The following ALKBH1 variants were observed in gnomAD, a reference collection of about 807,000 sequenced individuals.
ALKBH1 encodes the protein nucleic acid dioxygenase ALKBH1.
Under a neutral mutation model 36.6 loss-of-function variants are expected in ALKBH1, and 31 were observed. The ratio of observed to expected loss-of-function variants is 0.85; its 90% CI spans 0.64 to 1.14. ALKBH1 has a LOEUF of 1.14. ALKBH1 is among the 50% of genes most tolerant of loss of function. ALKBH1 has a pLI of 0.00. For missense variants in ALKBH1, 490 were observed against 497.3 expected (o/e 0.99, Z 0.14); for synonymous variants, 183 against 186.6 (o/e 0.98, Z 0.16).
At chr14:77,680,836 C>T (rs564009862) in intron 3 of ALKBH1, among the ~76,000 whole-genome samples, 14 of 152,178 alleles carry the variant, frequency 9.2e-5, no homozygotes, top group South Asian at 6.2e-4. Context: ...TGCACCACTA[C>T]GCCCAGCTAA....
chr14:77,697,770 T>G (rs975036219), intron 2 of ALKBH1, among the ~76,000 whole-genome samples: 26 of 150,572 alleles, frequency 1.7e-4, no homozygotes, highest in Admixed American at 1.4e-3. Flanking sequence ...TCCTAGCACT[T>G]GAAAGGCCAA....
chr14:77,674,913 C>T (rs992763944), intron 5 of ALKBH1, among the ~76,000 whole-genome samples: 4 of 152,068 alleles, frequency 2.6e-5, no homozygotes, highest in African/African-American at 9.7e-5. Context: ...GTTTACCTTT[C>T]CTCATTTTAA....
At chr14:77,695,963 G>A (rs918876858) in intron 2 of ALKBH1, among the ~76,000 whole-genome samples, 2 of 151,956 alleles carry the variant, frequency 1.3e-5, no homozygotes, top group African/African-American at 2.4e-5. Context: ...GTGGTGGCAC[G>A]CACCTGTAAT....
intron 3 of ALKBH1, among the ~76,000 whole-genome samples, chr14:77,690,237 GA>G (rs2080289936): frequency 6.6e-6 from 1 of 152,178 alleles, no homozygotes; most frequent in Admixed American, 6.5e-5. Flanking sequence ...CAATGTGGCA[GA>G]AAAGAACAAA....
chr14:77,707,981 C>G lies in ALKBH1; in HGVS notation c.24G>C (p.Val8=). The change falls in exon 1 of 6, where the codon GTG becomes GTC. Residue 8 remains valine (V), a synonymous_variant. Transcript: ENST00000216489. MGKMAAA[V]GSVATLATEP... Reference sequence around the variant, plus strand: ...CAGTCGCCAGAGTCGCCACAGAGCCCACGGCCGCTGCCATCTTCCCCATCT... The same window carrying G: ...CAGTCGCCAGAGTCGCCACAGAGCCGACGGCCGCTGCCATCTTCCCCATCT... 3 of 1,611,396 alleles carry G rather than the reference C, an allele frequency of 1.9e-6. No individual in the cohort carries two copies. The highest frequency in any genetic ancestry group is 2.5e-6 in the Non-Finnish European group (3 of 1,178,572).
intron 3 of ALKBH1, among the ~76,000 whole-genome samples, chr14:77,689,274 G>C (rs2080285237): frequency 6.6e-6 from 1 of 152,122 alleles, no homozygotes; most frequent in South Asian, 2.1e-4. Context: ...AAAGCACCTT[G>C]CAACTTCTAT....
intron 3 of ALKBH1, among the ~76,000 whole-genome samples, chr14:77,691,339 C>A (rs890942627): frequency 2.0e-5 from 3 of 152,030 alleles, no homozygotes; most frequent in African/African-American, 4.8e-5. Flanking sequence ...TCTTAGAGGT[C>A]CTTTACTTCA....
intron 4 of ALKBH1, among the ~76,000 whole-genome samples, chr14:77,679,174 G>A (rs1223972125): frequency 6.6e-6 from 1 of 151,932 alleles, no homozygotes; most frequent in African/African-American, 2.4e-5. Flanking sequence ...TGAAATACAT[G>A]GAGCTTCTTT....
At chr14:77,689,996 A>C (rs1169028390) in intron 3 of ALKBH1, among the ~76,000 whole-genome samples, 1 of 152,212 alleles carries the variant, frequency 6.6e-6, no homozygotes, top group Non-Finnish European at 1.5e-5. Flanking sequence ...CTCTAAAAAA[A>C]AGTGGCAATA....
intron 3 of ALKBH1, among the ~76,000 whole-genome samples, chr14:77,692,282 ATC>A (rs2139856549): frequency 6.6e-6 from 1 of 152,294 alleles, no homozygotes; most frequent in South Asian, 2.1e-4. Flanking sequence ...TGGAGCTGGG[ATC>A]TGAACACAGT....
chr14:77,674,332 T>C (rs2080193372), intron 5 of ALKBH1, 91 bp from the exon 6 acceptor site: 4 of 1,330,422 alleles, frequency 3.0e-6, no homozygotes, highest in East Asian at 5.0e-5. Flanking sequence ...AACTGTGTTA[T>C]TTTGTAATTT....
intron 3 of ALKBH1, among the ~76,000 whole-genome samples, chr14:77,681,513 CAG>C (rs1474769498): frequency 6.6e-6 from 1 of 152,332 alleles, no homozygotes; most frequent in African/African-American, 2.4e-5. Context: ...TCTGTCCTCA[CAG>C]AGTTTACATT....
chr14:77,674,959 T>C (rs2139841830), intron 5 of ALKBH1, among the ~76,000 whole-genome samples: 1 of 152,270 alleles, frequency 6.6e-6, no homozygotes, highest in South Asian at 2.1e-4. Context: ...TTTCCCGAGA[T>C]GCAGGTGCAA....
intron 2 of ALKBH1, among the ~76,000 whole-genome samples, chr14:77,701,576 G>C (rs2080359787): frequency 6.6e-6 from 1 of 151,932 alleles, no homozygotes; most frequent in Admixed American, 6.6e-5. Flanking sequence ...TTATCCTCTT[G>C]TTCAAGAGGA....
At chr14:77,701,680 A>C (rs952665795) in intron 2 of ALKBH1, among the ~76,000 whole-genome samples, 1 of 152,094 alleles carries the variant, frequency 6.6e-6, no homozygotes, top group African/African-American at 2.4e-5. Context: ...CTTTTGATCA[A>C]CTCAGAGTAA....
At chr14:77,682,556 T>C (rs998457538) in intron 3 of ALKBH1, among the ~76,000 whole-genome samples, 1 of 152,170 alleles carries the variant, frequency 6.6e-6, no homozygotes, top group Middle Eastern at 3.2e-3. Flanking sequence ...TTATGAATAT[T>C]GAAGCTATGC....
intron 2 of ALKBH1, among the ~76,000 whole-genome samples, chr14:77,697,697 TAAAAA>T (rs57516221): frequency 9.5e-6 from 1 of 104,936 alleles, no homozygotes; most frequent in African/African-American, 3.6e-5. Flanking sequence ...TTTGCTGTAA[TAAAAA>T]AAAAAAAAAA....
intron 4 of ALKBH1, among the ~76,000 whole-genome samples, chr14:77,679,194 C>A (rs558092837): frequency 2.9e-4 from 44 of 151,864 alleles, no homozygotes; most frequent in African/African-American, 9.4e-4. Flanking sequence ...TTACTCCAGG[C>A]AGATATTACA....
intron 2 of ALKBH1, among the ~76,000 whole-genome samples, 153 bp downstream of exon 2, chr14:77,704,216 T>C (rs979631476): frequency 7.2e-5 from 11 of 152,172 alleles, no homozygotes; most frequent in Non-Finnish European, 1.5e-4. Flanking sequence ...TTAGACAAGG[T>C]ACAGTCTAGA....
Sources: gnomAD v4.1 joint callset for allele counts (sites outside exome capture counted in the v4.1 genomes callset) on GRCh38, gnomAD v4.1.1 for gene constraint, MANE v1.5 for transcripts, NCBI Gene and HGNC (gene_info 2026-07-23, HGNC 2026-07-21) for gene names.